The following CUTA variants were observed in gnomAD, a reference collection of about 807,000 sequenced individuals.
The protein encoded by CUTA is protein CutA.
A neutral mutation model predicts 20.7 loss-of-function variants in CUTA; 21 were observed. The ratio of observed to expected loss-of-function variants is 1.01; its 90% CI spans 0.72 to 1.46. The LOEUF (loss-of-function observed/expected upper bound fraction) is 1.46. CUTA is among the 40% of genes most tolerant of loss of function. CUTA has a pLI of 0.00. For synonymous variants in CUTA, 99 were observed against 97.9 expected, an observed-to-expected ratio of 1.01 and a Z score of -0.07; for missense variants, 231 against 226.8, an observed-to-expected ratio of 1.02 and a Z score of -0.12.
Position 33,417,080 on chromosome 6 carries a change from G to A in CUTA, c.363+17C>T. ...GGGATTGGGGATATTTTGTTGGGTGGGGGAAATGTTTCTCACCATCAGCAC... is the reference window on the plus strand; with the variant it reads ...GGGATTGGGGATATTTTGTTGGGTGAGGGAAATGTTTCTCACCATCAGCAC... On this transcript the variant is annotated intron_variant, in intron 4 of 5. Transcript: ENST00000488034. 1.2e-6 allele frequency: 2 copies of A among 1,610,994 alleles called. No individual in the cohort carries two copies. Among genetic ancestry groups the A allele is most frequent in the Non-Finnish European group, 1.7e-6 (2 of 1,177,834 alleles).
chr6:33,417,005 G>T, intron 4 of CUTA, 36 bp from the exon 5 acceptor site: 1 of 1,613,418 alleles, frequency 6.2e-7, no homozygotes, highest in Non-Finnish European at 8.5e-7. Flanking sequence ...GAATCAAGGA[G>T]TGGGATTGAG....
chr6:33,418,103 T>C lies in CUTA; in HGVS notation c.-103A>G. The C allele has an allele frequency of 6.2e-7, 1 of 1,614,118 alleles. No homozygotes were observed. The highest frequency in any genetic ancestry group is 1.1e-5 in the South Asian group (1 of 91,076). On this transcript the variant is annotated 5_prime_UTR_variant, in exon 1 of 6. Transcript: ENST00000488034. This position sits in a 1 kb window ranked among gnomAD's most constrained non-coding sequence, Gnocchi z 5.7. ...TCTTCTTACCTGGGTGGCAGCCACG[T>C]GATTAGAAAACAGCGCGCACCATGT...
At chr6:33,417,902 C>G (rs1776609648) in intron 1 of CUTA, 57 bp downstream of exon 1, 1 of 1,583,214 alleles carries the variant, frequency 6.3e-7, no homozygotes, top group Admixed American at 1.9e-5. Flanking sequence ...ATTTAGGGTG[C>G]GGGTAGCGGT....
intron 1 of CUTA, 74 bp downstream of exon 1, chr6:33,417,885 C>G: frequency 6.4e-7 from 1 of 1,571,594 alleles, no homozygotes; most frequent in Non-Finnish European, 8.6e-7. Context: ...GGGGGCCAAC[C>G]TCTGGGATTT....
At chr6:33,417,071 T>C (rs1394800343) in intron 4 of CUTA, 26 bp downstream of exon 4, 2 of 1,611,844 alleles carry the variant, frequency 1.2e-6, no homozygotes, top group Non-Finnish European at 8.5e-7. Context: ...GGGGATATTT[T>C]GTTGGGTGGG....
At chr6:33,417,042 G>A (rs1776551640) in intron 4 of CUTA, 55 bp downstream of exon 4, 23 of 1,612,590 alleles carry the variant, frequency 1.4e-5, no homozygotes, top group Non-Finnish European at 1.7e-5. Flanking sequence ...AGGGGTAAGG[G>A]CTAAAGGGGT....
chr6:33,418,035 A>T lies in CUTA; in HGVS notation c.-35T>A. On this transcript the variant is annotated 5_prime_UTR_variant, in exon 1 of 6. Transcript: ENST00000488034. The surrounding 1 kb of genome is among the most constrained non-coding windows in gnomAD (Gnocchi z 5.7). ...GCTGGTACAGGAGAGTTGATCTCAA[A>T]GGCCACACGTCACACGGAGAAACAA... 6.2e-7 allele frequency: 1 copy of T among 1,614,146 alleles called. No individual in the cohort carries two copies.
rs759656326 is a variant in CUTA at position 33,417,950 on chromosome 6, GTCAC to G, written c.42+5_42+8del. ...GACCGGAAGGGGCGGGGCGGGGCCG[GTCAC>G]TCACCACTCCGCCGAGCAGGACCGC... On this transcript the variant is annotated splice_donor_5th_base_variant and intron_variant, in intron 1 of 5. Transcript: ENST00000488034. 32 of 1,585,222 alleles carry G rather than the reference GTCAC, an allele frequency of 2.0e-5. No individual in the cohort carries two copies. In the South Asian group the frequency reaches 3.4e-4, roughly 17 times the overall value.
rs771829946 is a variant in CUTA at position 33,417,523 on chromosome 6, AAGGCTGCAG to A, written c.206_214del (p.Ser69_Ala71del). On this transcript the variant is annotated inframe_deletion, in exon 2 of 6. Coordinates refer to ENST00000488034, the MANE Select transcript of CUTA (RefSeq NM_001014840.2). Reference sequence around the variant, plus strand: ...GACCTTCTCGTTGGGGCAAGTAACAAAGGCTGCAGAGACCGAGCCCGGAACGTAGCCAGA... The same window carrying A: ...GACCTTCTCGTTGGGGCAAGTAACAAAGACCGAGCCCGGAACGTAGCCAGA... 1.1e-5 allele frequency: 18 copies of A among 1,614,012 alleles called. No homozygotes were observed. The highest frequency in any genetic ancestry group is 1.4e-5 in the Non-Finnish European group (17 of 1,180,028).
In CUTA at chr6:33,417,522, A is replaced by C; in HGVS notation, c.216T>G (p.Phe72Leu). The C allele has an allele frequency of 6.2e-7, 1 of 1,614,186 alleles. No individual in the cohort carries two copies. The highest frequency in any genetic ancestry group is 1.3e-5 in the African/African-American group (1 of 75,050). The stretch of plus-strand genomic sequence containing the variant: ...CGACCTTCTCGTTGGGGCAAGTAAC[A>C]AAGGCTGCAGAGACCGAGCCCGGAA... ...GYVPGSVSAA[F>L]VTCPNEKVAK... The change falls in exon 2 of 6, where the codon TTT becomes TTG. Residue 72 changes from phenylalanine to leucine, a missense_variant. Phe to Leu is a conservative substitution (Grantham distance 22). Coordinates refer to ENST00000488034, the MANE Select transcript of CUTA (RefSeq NM_001014840.2).
rs1776598677 is a variant in CUTA at position 33,417,691 on chromosome 6, G to A, written c.47C>T (p.Ser16Phe). The stretch of plus-strand genomic sequence containing the variant: ...CATCCAAACAAAAGACAGGAGCAGA[G>A]AGGCCTGAGAGCAGGAGGCGAATTC... ...APAVLLGGVASLLLSFVWMPA... is the reference protein window; with the variant it reads ...APAVLLGGVAFLLLSFVWMPA... The change falls in exon 2 of 6, where the codon TCT becomes TTT. Residue 16 changes from serine to phenylalanine, a missense_variant. Coordinates refer to ENST00000488034, the MANE Select transcript of CUTA (RefSeq NM_001014840.2). 1 of 1,603,558 alleles carries A rather than the reference G, an allele frequency of 6.2e-7. No individual in the cohort carries two copies. The highest frequency in any genetic ancestry group is 8.5e-7 in the Non-Finnish European group (1 of 1,175,552).
Position 33,416,953 on chromosome 6 carries a change from CTT to C in CUTA, c.378_379del (p.Ser127PhefsTer46). ...ATCTGTCAAAGCTGGGACCAAGGAA[CTT>C]TGGGTTTTAATCATCTAAGGGACAA... is the stretch of plus-strand genomic sequence containing the variant. On this transcript the variant is annotated frameshift_variant, in exon 5 of 6. Transcript: ENST00000488034. LOFTEE classifies it high-confidence loss of function. 1 of 1,614,068 alleles carries C rather than the reference CTT, an allele frequency of 6.2e-7. No individual in the cohort carries two copies. Among genetic ancestry groups the C allele is most frequent in the Non-Finnish European group, 8.5e-7 (1 of 1,180,034 alleles).
At chr6:33,417,056 G>C in intron 4 of CUTA, 41 bp downstream of exon 4, 1 of 1,612,142 alleles carries the variant, frequency 6.2e-7, no homozygotes, top group Non-Finnish European at 8.5e-7. Flanking sequence ...AAGGGGTCAG[G>C]GATTGGGGAT....
At chr6:33,417,933 G>C (rs765979014) in intron 1 of CUTA, 26 bp downstream of exon 1, 14 of 1,572,024 alleles carry the variant, frequency 8.9e-6, no homozygotes, top group Non-Finnish European at 1.2e-5. Context: ...AGGACCGGAA[G>C]GGGCGGGGCG....
Position 33,416,695 on chromosome 6 carries a change from G to A in CUTA, c.495C>T (p.Arg165=). Residue 165 remains arginine, a synonymous_variant, in exon 6 of 6, where the codon CGC becomes CGT. Coordinates refer to ENST00000488034, the MANE Select transcript of CUTA (RefSeq NM_001014840.2). ...QGNFPYLQWV[R]QVTESVSDSI... ...AGTCAGAAACTGACTCTGTGACCTG[G>A]CGCACCCACTGCAGGTACGGAAAGT... 3.7e-6 allele frequency: 6 copies of A among 1,613,698 alleles called. No individual in the cohort carries two copies. The highest frequency in any genetic ancestry group is 4.2e-6 in the Non-Finnish European group (5 of 1,179,636).
intron 5 of CUTA, 63 bp from the exon 6 acceptor site, chr6:33,416,839 C>G (rs1362726350): frequency 2.5e-6 from 4 of 1,606,656 alleles, no homozygotes; most frequent in Non-Finnish European, 3.4e-6. Context: ...AACCCACTCC[C>G]TTACACGCAA....
rs748791522 is a variant in CUTA at position 33,416,984 on chromosome 6, T to G, written c.364-15A>C. 2 of 1,613,836 alleles carry G rather than the reference T, an allele frequency of 1.2e-6. No homozygotes were observed. The highest frequency in any genetic ancestry group is 1.7e-6 in the Non-Finnish European group (2 of 1,179,936). ...GTTTTAATCATCTAAGGGACAAAGA[T>G]AAACATGGTTGAATCAAGGAGTGGG... On this transcript the variant is annotated splice_polypyrimidine_tract_variant and intron_variant, in intron 4 of 5. Transcript: ENST00000488034.
Position 33,416,915 on chromosome 6 carries a change from C to G in CUTA, c.413+5G>C, listed in dbSNP as rs1318527491. The stretch of plus-strand genomic sequence containing the variant: ...CCCTCACCCCATCCATCTCAAAGTT[C>G]TCACCGAACAAAATCTGTCAAAGCT... On this transcript the variant is annotated splice_donor_5th_base_variant and intron_variant, in intron 5 of 5. Coordinates refer to ENST00000488034, the MANE Select transcript of CUTA (RefSeq NM_001014840.2). The G allele has an allele frequency of 1.2e-6, 2 of 1,614,178 alleles. No individual in the cohort carries two copies. Among genetic ancestry groups the G allele is most frequent in the African/African-American group, 1.3e-5 (1 of 75,038 alleles).
chr6:33,417,675 A>C lies in CUTA; in HGVS notation c.63T>G (p.Phe21Leu). Residue 21 changes from phenylalanine to leucine, a missense_variant, in exon 2 of 6, where the codon TTT becomes TTG. By Grantham distance (22) the Phe-to-Leu change is conservative. Transcript: ENST00000488034. Reference sequence around the variant, plus strand: ...CAGGCAGCAGCGCCGGCATCCAAACAAAAGACAGGAGCAGAGAGGCCTGAG... The same window carrying C: ...CAGGCAGCAGCGCCGGCATCCAAACCAAAGACAGGAGCAGAGAGGCCTGAG... The part of the protein sequence containing the change: ...LGGVASLLLS[F>L]VWMPALLPVA... The C allele has an allele frequency of 6.2e-7, 1 of 1,610,452 alleles. No individual in the cohort carries two copies. Among genetic ancestry groups the C allele is most frequent in the Non-Finnish European group, 8.5e-7 (1 of 1,178,464 alleles).
Sources: allele counts gnomAD v4.1 joint callset, GRCh38; gene constraint gnomAD v4.1.1; non-coding constraint Gnocchi (gnomAD v3.1); transcripts MANE v1.5; gene names NCBI Gene and HGNC (gene_info 2026-07-23, HGNC 2026-07-21).